The following UBASH3B variants were observed in gnomAD, a reference collection of about 807,000 sequenced individuals.
The protein encoded by UBASH3B is ubiquitin-associated and SH3 domain-containing protein B.
In UBASH3B, 37 loss-of-function variants were observed where a neutral mutation model predicts 83.4. The observed-to-expected ratio is 0.44, with a 90% CI of 0.34 to 0.58. UBASH3B has a LOEUF of 0.58. Ranked by LOEUF, UBASH3B falls within the 20% of genes least tolerant of loss-of-function variation. The probability of loss-of-function intolerance (pLI) is 0.01; values close to 1 mark genes in which losing one functional copy is unlikely to be tolerated. For synonymous variants in UBASH3B, 304 were observed against 318.3 expected (o/e 0.96, Z 0.48); for missense variants, 657 against 827.2 (o/e 0.79, Z 2.52).
At chr11:122,693,303 G>T (rs1437677637) in intron 1 of UBASH3B, among the ~76,000 whole-genome samples, 2 of 152,130 alleles carry the variant, frequency 1.3e-5, no homozygotes, top group African/African-American at 4.8e-5. Context: ...GGATGTATAC[G>T]TGCAGGTCAC....
In UBASH3B at chr11:122,794,851, G is replaced by C; in HGVS notation, c.1113+17G>C. ...CCCATGCAGGTAAGGCTGATTGCTA[G>C]GGTCACACCCCCAACTCTAACCAGG... On this transcript the variant is annotated intron_variant, in intron 7 of 13. Transcript: ENST00000284273. The C allele has an allele frequency of 6.2e-7, 1 of 1,612,830 alleles. No homozygotes were observed.
intron 10 of UBASH3B, among the ~76,000 whole-genome samples, chr11:122,800,426 C>T (rs1406195387): frequency 4.7e-5 from 7 of 148,528 alleles, no homozygotes; most frequent in African/African-American, 1.2e-4. Context: ...TGGTGGCAGG[C>T]GCCTGTAATC....
intron 5 of UBASH3B, among the ~76,000 whole-genome samples, 170 bp downstream of exon 5, chr11:122,783,392 G>T (rs1453201529): frequency 1.3e-5 from 2 of 152,054 alleles, no homozygotes; most frequent in Non-Finnish European, 2.9e-5. Context: ...TCACTGGGAG[G>T]CTTCCAGCTT....
Position 122,808,062 on chromosome 11 carries a change from C to T in UBASH3B, c.1703-5C>T. The T allele has an allele frequency of 6.2e-7, 1 of 1,611,686 alleles. No individual in the cohort carries two copies. Among genetic ancestry groups the T allele is most frequent in the Non-Finnish European group, 8.5e-7 (1 of 1,177,806 alleles). On this transcript the variant is annotated splice_region_variant and splice_polypyrimidine_tract_variant and intron_variant, in intron 12 of 13. Transcript: ENST00000284273. ...GTCTTCCCATACCTTGCCATTTTCC[C>T]CCAGGAAATAACATCCTGATTGTGG...
chr11:122,802,857 A>G (rs1461972463), intron 11 of UBASH3B, among the ~76,000 whole-genome samples: 1 of 152,200 alleles, frequency 6.6e-6, no homozygotes, highest in African/African-American at 2.4e-5. Context: ...GCCTGGAAAG[A>G]GGAGGAGTTG....
chr11:122,691,618 G>A (rs892790168), intron 1 of UBASH3B, among the ~76,000 whole-genome samples: 3 of 152,182 alleles, frequency 2.0e-5, no homozygotes, highest in African/African-American at 7.2e-5. Flanking sequence ...TTTTTATTCA[G>A]CTTTCAAAGA....
At chr11:122,773,421 T>G (rs1860681397) in intron 1 of UBASH3B, among the ~76,000 whole-genome samples, 1 of 152,260 alleles carries the variant, frequency 6.6e-6, no homozygotes, top group African/African-American at 2.4e-5. Context: ...TTACTCCTCG[T>G]GCAGCCTCCT....
chr11:122,734,668 A>T (rs916611525), intron 1 of UBASH3B, among the ~76,000 whole-genome samples: 1 of 152,144 alleles, frequency 6.6e-6, no homozygotes, highest in Non-Finnish European at 1.5e-5. Context: ...GTATTTTAAG[A>T]TGCAGCTTTC....
In UBASH3B at chr11:122,798,037, A is replaced by T. The variant is rs1323977684; in HGVS notation, c.1358-905A>T. ...TGATGGCTCTCACCTATAATCTAGC[A>T]CTTTGAGAGGCTGAGGCAAGAGGAT... is the stretch of plus-strand genomic sequence containing the variant. On this transcript the variant is annotated intron_variant, in intron 9 of 13. Transcript: ENST00000284273. 3.3e-5 allele frequency among the ~76,000 whole-genome samples: 5 copies of T among 152,178 alleles called. No individual in the cohort carries two copies. In the East Asian group the frequency reaches 9.6e-4, roughly 29 times the overall value.
chr11:122,706,789 A>C (rs1864125019), intron 1 of UBASH3B, among the ~76,000 whole-genome samples: 1 of 152,238 alleles, frequency 6.6e-6, no homozygotes, highest in Non-Finnish European at 1.5e-5. Context: ...TTTCAGCTGC[A>C]CATTTCTGTA....
chr11:122,789,282 T>G lies in UBASH3B; in HGVS notation c.954T>G (p.Asp318Glu). 6.2e-7 allele frequency: 1 copy of G among 1,614,212 alleles called. No individual in the cohort carries two copies. Among genetic ancestry groups the G allele is most frequent in the South Asian group, 1.1e-5 (1 of 91,086 alleles). Residue 318 changes from aspartate (D) to glutamate (E), a missense_variant, in exon 6 of 14, where the codon GAT becomes GAG. Asp to Glu is a conservative substitution (Grantham distance 45). Coordinates refer to ENST00000284273, the MANE Select transcript of UBASH3B (RefSeq NM_032873.5). Reference sequence around the variant, plus strand: ...CTGAGAATTACATTACCAAGGCTGATGAATGCAGCACCTGGATATTTCATG... The same window carrying G: ...CTGAGAATTACATTACCAAGGCTGAGGAATGCAGCACCTGGATATTTCATG... Reference protein sequence around the residue: ...LLPENYITKADECSTWIFHGS... With the variant: ...LLPENYITKAEECSTWIFHGS...
chr11:122,656,354 C>A, intron 1 of UBASH3B, 144 bp downstream of exon 1: 1 of 848,234 alleles, frequency 1.2e-6, no homozygotes, highest in East Asian at 3.6e-5. Flanking sequence ...GGGATGGGCG[C>A]GCTGGCAACC....
intron 1 of UBASH3B, among the ~76,000 whole-genome samples, chr11:122,769,421 G>A (rs1860605617): frequency 4.6e-5 from 7 of 152,182 alleles, no homozygotes; most frequent in Admixed American, 4.6e-4. Context: ...GCAATGCCAT[G>A]CCATAAAGGT....
At chr11:122,688,578 C>T (rs562696472) in intron 1 of UBASH3B, among the ~76,000 whole-genome samples, 1 of 150,274 alleles carries the variant, frequency 6.7e-6, no homozygotes, top group South Asian at 2.1e-4. Context: ...CCCGAGTAAG[C>T]TGGGACTACA....
chr11:122,657,531 C>G (rs191411334), intron 1 of UBASH3B, among the ~76,000 whole-genome samples: 1 of 152,260 alleles, frequency 6.6e-6, no homozygotes, highest in East Asian at 1.9e-4. Context: ...TCAGGTGATC[C>G]ACCCACCTCG....
intron 1 of UBASH3B, chr11:122,774,337 T>C (rs973423073): frequency 1.0e-6 from 1 of 980,082 alleles, no homozygotes; most frequent in African/African-American, 1.7e-5. Flanking sequence ...ATTTGGTATC[T>C]GTGCGCAGAC....
intron 1 of UBASH3B, among the ~76,000 whole-genome samples, chr11:122,719,338 G>A (rs934144692): frequency 6.6e-6 from 1 of 152,226 alleles, no homozygotes; most frequent in Non-Finnish European, 1.5e-5. Context: ...GGAAATTTGG[G>A]AGTTATGTTA....
At chr11:122,787,507 C>T (rs1860976001) in intron 5 of UBASH3B, among the ~76,000 whole-genome samples, 1 of 152,196 alleles carries the variant, frequency 6.6e-6, no homozygotes, top group Non-Finnish European at 1.5e-5. Context: ...AGAATCACAC[C>T]TTTACTGGCT....
intron 11 of UBASH3B, among the ~76,000 whole-genome samples, chr11:122,805,358 T>C (rs1438044105): frequency 1.3e-5 from 2 of 152,032 alleles, no homozygotes; most frequent in Non-Finnish European, 2.9e-5. Context: ...GGTGAAACCC[T>C]GTCTCTACTA....
Sources: gnomAD v4.1 joint callset for allele counts (sites outside exome capture counted in the v4.1 genomes callset) on GRCh38, gnomAD v4.1.1 for gene constraint, MANE v1.5 for transcripts, NCBI Gene and HGNC (gene_info 2026-07-23, HGNC 2026-07-21) for gene names.